The following CLPX variants were observed in gnomAD, a reference collection of about 807,000 sequenced individuals.
CLPX encodes the protein caseinolytic mitochondrial matrix peptidase chaperone subunit X.
CLPX carries 34 observed loss-of-function variants against 76.4 expected under a neutral mutation model. That is an observed-to-expected ratio of 0.45 (90% CI 0.34 to 0.59). The LOEUF (loss-of-function observed/expected upper bound fraction) is 0.59. Among genes scored for constraint, CLPX ranks in the 20% least tolerant of loss-of-function variants. CLPX has a pLI of 0.01. For missense variants in CLPX, 613 were observed against 757.0 expected (o/e 0.81, Z 2.23); for synonymous variants, 248 against 270.9 (o/e 0.92, Z 0.83).
In CLPX at chr15:65,154,962, C is replaced by G; in HGVS notation, c.1431G>C (p.Arg477=). Residue 477 remains arginine, a synonymous_variant, in exon 11 of 14, where the codon CGG becomes CGC. Coordinates refer to ENST00000300107, the MANE Select transcript of CLPX (RefSeq NM_006660.5). ...CTCTGGCTTCCACATGACGCAATAA[C>G]CGATCTTTTTCTTCAATGTCTTGGT... ...NTHQDIEEKD[R]LLRHVEARDL... is the part of the protein sequence containing the mutation. The G allele has an allele frequency of 6.2e-7, 1 of 1,614,118 alleles. No individual in the cohort carries two copies. The highest frequency in any genetic ancestry group is 8.5e-7 in the Non-Finnish European group (1 of 1,180,028).
At position 65,166,617 on chromosome 15, in the gene CLPX, C is replaced by G; in HGVS notation, c.513+14G>C. The G allele has an allele frequency of 6.2e-7, 1 of 1,613,052 alleles. No individual in the cohort carries two copies. Among genetic ancestry groups the G allele is most frequent in the Non-Finnish European group, 8.5e-7 (1 of 1,179,560 alleles). ...AAGATAAAATACTTGTAAGACTGAG[C>G]TTAAGACTTATACCTTCTTAGGGGG... On this transcript the variant is annotated intron_variant, in intron 4 of 13. Coordinates refer to ENST00000300107, the MANE Select transcript of CLPX (RefSeq NM_006660.5).
rs377424066 is a variant in CLPX at position 65,167,012 on chromosome 15, A to G, written c.359-227T>C. 5.3e-5 allele frequency among the ~76,000 whole-genome samples: 8 copies of G among 152,318 alleles called. No homozygotes were observed. In the East Asian group the frequency reaches 1.2e-3, roughly 22 times the overall value. On this transcript the variant is annotated intron_variant, in intron 3 of 13. Transcript: ENST00000300107. ...CTATTAGGTCCTTTCATTTTGTGAT[A>G]TACTTCTTTAAAAGAAAAGATTGCG... is the stretch of plus-strand genomic sequence containing the variant.
intron 3 of CLPX, among the ~76,000 whole-genome samples, chr15:65,171,046 C>T (rs1296657744): frequency 6.6e-6 from 1 of 151,850 alleles, no homozygotes; most frequent in Non-Finnish European, 1.5e-5. Flanking sequence ...TGGTCTCGAT[C>T]TTCTGACCTC....
At position 65,157,881 on chromosome 15, in the gene CLPX, T is replaced by C; in HGVS notation, c.922A>G (p.Lys308Glu). ...ATAGCAAAAGGGACATCAAGGCATT[T>C]AGCTAGGGTTTGTGCCAGCAGAGTT... ...GKTLLAQTLA[K>E]CLDVPFAICD... Residue 308 changes from lysine (K) to glutamate (E), a missense_variant, in exon 8 of 14, where the codon AAA becomes GAA. Lys to Glu is a moderately conservative substitution (Grantham distance 56). Transcript: ENST00000300107. 6.2e-7 allele frequency: 1 copy of C among 1,608,194 alleles called. No individual in the cohort carries two copies. Among genetic ancestry groups the C allele is most frequent in the South Asian group, 1.1e-5 (1 of 89,766 alleles).
rs1032925425 is a variant in CLPX, at chr15:65,155,020, T to C, written c.1373A>G (p.Asp458Gly). ...GKGRRAAAAA[D>G]LANRSGESNT... ...CGATTCCCCACTTCGATTAGCAAGGTCTGCAGCAGCTGCAGCCCTTCTGCC... is the reference window on the plus strand; with the variant it reads ...CGATTCCCCACTTCGATTAGCAAGGCCTGCAGCAGCTGCAGCCCTTCTGCC... Residue 458 changes from aspartate (D) to glycine (G), a missense_variant, in exon 11 of 14, where the codon GAC (aspartate) becomes GGC (glycine). Asp to Gly is a moderately conservative substitution (Grantham distance 94). Around this residue, in one of 2 missense-constraint regions of CLPX, gnomAD observed 450 missense variants for 638.6 expected, o/e 0.70. Coordinates refer to ENST00000300107, the MANE Select transcript of CLPX (RefSeq NM_006660.5). 7.4e-6 allele frequency: 12 copies of C among 1,614,004 alleles called. No homozygotes were observed. The highest frequency in any genetic ancestry group is 3.3e-5 in the Admixed American group (2 of 59,994).
chr15:65,174,540 G>A (rs923506048), intron 3 of CLPX, among the ~76,000 whole-genome samples: 1 of 152,156 alleles, frequency 6.6e-6, no homozygotes, highest in African/African-American at 2.4e-5. Context: ...TGGGATTACA[G>A]GCATAAGCCA....
At chr15:65,153,832 T>C (rs758427719) in intron 11 of CLPX, among the ~76,000 whole-genome samples, 193 bp from the exon 12 acceptor site, 6 of 152,214 alleles carry the variant, frequency 3.9e-5, no homozygotes, top group Non-Finnish European at 5.9e-5. Flanking sequence ...AGATGTTTTC[T>C]AGATTAACAC....
rs1566981635 is a variant in CLPX, at chr15:65,163,952, A to C, written c.673+77T>G. 3 of 1,319,282 alleles carry C rather than the reference A, an allele frequency of 2.3e-6. No individual in the cohort carries two copies. In the African/African-American group the frequency reaches 4.4e-5, roughly 19 times the overall value. 81.7% of individuals were successfully genotyped at this position (1,319,282 alleles called of 1,614,324 possible). On this transcript the variant is annotated intron_variant, in intron 5 of 13. Coordinates refer to ENST00000300107, the MANE Select transcript of CLPX (RefSeq NM_006660.5). ...ACACTATATAAAAAACATTTTAAGAAGAAAGTGAGGAGTTACAAATAAAGA... is the reference window on the plus strand; with the variant it reads ...ACACTATATAAAAAACATTTTAAGACGAAAGTGAGGAGTTACAAATAAAGA...
chr15:65,165,648 G>A (rs1234880609), intron 4 of CLPX, among the ~76,000 whole-genome samples: 2 of 151,938 alleles, frequency 1.3e-5, no homozygotes, highest in Non-Finnish European at 2.9e-5. Flanking sequence ...GCCTCCCAAA[G>A]TGCTGGGATT....
At position 65,154,625 on chromosome 15, in the gene CLPX, T is replaced by G. The variant is rs1244701245; in HGVS notation, c.1611+157A>C. On this transcript the variant is annotated intron_variant, in intron 11 of 13. Transcript: ENST00000300107. ...AGACAACTCCTAAATTCTAACATAATACAATATGCCTTCCTTGATTCCTAG... is the reference window on the plus strand; with the variant it reads ...AGACAACTCCTAAATTCTAACATAAGACAATATGCCTTCCTTGATTCCTAG... The G allele has an allele frequency of 2.3e-5, 14 of 605,614 alleles. 1 individual carries two copies. Among genetic ancestry groups the G allele is most frequent in the Admixed American group, 1.6e-4 (5 of 32,054 alleles). The allele number at this position is 605,614 out of a possible 1,614,324, so 37.5% of individuals were successfully genotyped here.
intron 6 of CLPX, 78 bp from the exon 7 acceptor site, chr15:65,158,829 T>A: frequency 2.6e-6 from 3 of 1,165,686 alleles, no homozygotes; most frequent in African/African-American, 1.6e-5. Flanking sequence ...AACTTTTATC[T>A]AAAACTAAAT....
intron 3 of CLPX, among the ~76,000 whole-genome samples, chr15:65,168,383 CAAAAA>C (rs71136319): frequency 5.6e-4 from 20 of 35,656 alleles, no homozygotes; most frequent in South Asian, 2.2e-3. Context: ...GACTCTGTCT[CAAAAA>C]AAAAAAAAAA....
chr15:65,185,293 C>T lies in CLPX; in HGVS notation c.-140G>A, dbSNP rs1566989233. On this transcript the variant is annotated 5_prime_UTR_variant, in exon 1 of 14. Coordinates refer to ENST00000300107, the MANE Select transcript of CLPX (RefSeq NM_006660.5). ...CCCCGTGGAGAGTTCACCTGCCCGG[C>T]AGCCAGGCCTTCACGCTTCTCTGCC... 6.2e-6 allele frequency: 4 copies of T among 645,500 alleles called. No homozygotes were observed. The highest frequency in any genetic ancestry group is 1.1e-5 in the Non-Finnish European group (4 of 370,844). The allele number at this position is 645,500 out of a possible 1,614,324, so 40.0% of individuals were successfully genotyped here.
At chr15:65,151,892 G>C (rs1441119653) in intron 13 of CLPX, among the ~76,000 whole-genome samples, 3 of 152,088 alleles carry the variant, frequency 2.0e-5, no homozygotes, top group Non-Finnish European at 4.4e-5. Context: ...CAGGGGTTAG[G>C]AAACTGTAGC....
chr15:65,173,386 AAG>A (rs1566985000), intron 3 of CLPX, among the ~76,000 whole-genome samples: 3 of 151,076 alleles, frequency 2.0e-5, no homozygotes, highest in Non-Finnish European at 1.5e-5. Flanking sequence ...AAAAAAAAAA[AAG>A]AAGACAGACA....
intron 6 of CLPX, among the ~76,000 whole-genome samples, chr15:65,160,402 C>T (rs1324974063): frequency 3.9e-5 from 6 of 152,108 alleles, no homozygotes; most frequent in African/African-American, 1.4e-4. Context: ...GCCAAGAAAA[C>T]TCAGTCTGCT....
At chr15:65,159,189 T>G (rs2087824334) in intron 6 of CLPX, among the ~76,000 whole-genome samples, 1 of 152,210 alleles carries the variant, frequency 6.6e-6, no homozygotes, top group Non-Finnish European at 1.5e-5. Flanking sequence ...ATGATACACC[T>G]TACTATCTCT....
chr15:65,178,984 A>C lies in CLPX; in HGVS notation c.308T>G (p.Leu103Arg). The stretch of plus-strand genomic sequence containing the variant: ...CAAGTCGCCACATTTAGGACAGCGC[A>C]GCTGGTTTCCACCTTTCCCAGAATT... The part of the protein sequence containing the change: ...SGNSGKGGNQ[L>R]RCPKCGDLCT... Residue 103 changes from leucine (L) to arginine (R), a missense_variant, in exon 3 of 14, where the codon CTG becomes CGG. Leu to Arg is a moderately radical substitution (Grantham distance 102). Coordinates refer to ENST00000300107, the MANE Select transcript of CLPX (RefSeq NM_006660.5). 3 of 1,612,254 alleles carry C rather than the reference A, an allele frequency of 1.9e-6. No homozygotes were observed. In the South Asian group the frequency reaches 3.3e-5, roughly 18 times the overall value.
Position 65,181,535 on chromosome 15 carries a change from T to C in CLPX, c.80-1331A>G, listed in dbSNP as rs569375824. Among the ~76,000 whole-genome samples the C allele has an allele frequency of 3.3e-5, 5 of 150,590 alleles. No individual in the cohort carries two copies. In the South Asian group the frequency reaches 8.4e-4, roughly 25 times the overall value. ...TGGGAGGTTGAGGTGGGTGGATCAC[T>C]TGAGGTTAGGAGTTTAAGACCAGCC... On this transcript the variant is annotated intron_variant, in intron 1 of 13. Transcript: ENST00000300107.
Sources: gnomAD v4.1 joint callset for allele counts (sites outside exome capture counted in the v4.1 genomes callset) on GRCh38, gnomAD v4.1.1 for gene constraint, gnomAD v4.1.1 regional missense constraint, MANE v1.5 for transcripts, NCBI Gene and HGNC (gene_info 2026-07-23, HGNC 2026-07-21) for gene names.